Variants in ABCB5 observed in about 807,000 individuals in gnomAD.
The protein encoded by ABCB5 is ATP-binding cassette sub-family B member 5.
In ABCB5, 155 loss-of-function variants were observed where a neutral mutation model predicts 144.2. The ratio of observed to expected loss-of-function variants is 1.08; its 90% confidence interval spans 0.94 to 1.23. The LOEUF is 1.23. Ranked by LOEUF, ABCB5 falls within the 50% of genes most tolerant of loss-of-function variation. The pLI is 0.00. For synonymous variants in ABCB5, 610 were observed against 528.6 expected, an observed-to-expected ratio of 1.15 and a Z score of -2.11; for missense variants, 1,830 against 1,520.8, an observed-to-expected ratio of 1.20 and a Z score of -3.38.
chr7:20,727,918 G>C (rs956043250), intron 22 of ABCB5, among the ~76,000 whole-genome samples: 1 of 152,088 alleles, frequency 6.6e-6, no homozygotes, highest in African/African-American at 2.4e-5. Context: ...CATACTTGTA[G>C]TTGGCACCAC....
intron 20 of ABCB5, among the ~76,000 whole-genome samples, chr7:20,710,172 C>G (rs969960904): frequency 7.4e-5 from 11 of 147,740 alleles, no homozygotes; most frequent in Non-Finnish European, 1.6e-4. Context: ...GTCGGGAGTT[C>G]AAGACCAGCC....
chr7:20,691,200 T>G (rs1786215333), intron 16 of ABCB5, among the ~76,000 whole-genome samples: 1 of 64,928 alleles, frequency 1.5e-5, no homozygotes, highest in Non-Finnish European at 2.9e-5. Context: ...TTTTTTTTTT[T>G]TGAGACGGAG....
chr7:20,723,317 G>A (rs1397605059), intron 21 of ABCB5, 98 bp downstream of exon 21: 15 of 1,220,404 alleles, frequency 1.2e-5, no homozygotes, highest in African/African-American at 3.0e-5. Flanking sequence ...CCATCTTTAT[G>A]ATATATTAAC....
At chr7:20,672,327 GT>G (rs550878419) in intron 14 of ABCB5, among the ~76,000 whole-genome samples, 14,130 of 146,530 alleles carry the variant, frequency 0.096, 1,936 homozygotes, top group African/African-American at 0.31. Context: ...TAATTTATTA[GT>G]TTTTTTTTTT....
chr7:20,728,355 G>A lies in ABCB5; in HGVS notation c.2767G>A (p.Ala923Thr). 6.2e-7 allele frequency: 1 copy of A among 1,614,144 alleles called. No homozygotes were observed. The highest frequency in any genetic ancestry group is 8.5e-7 in the Non-Finnish European group (1 of 1,179,996). Residue 923 changes from alanine to threonine, a missense_variant, in exon 23 of 28, where the codon GCA becomes ACA. Physicochemically the swap from Ala to Thr is moderately conservative, Grantham distance 58. Coordinates refer to ENST00000404938, the MANE Select transcript of ABCB5 (RefSeq NM_001163941.2). Reference protein sequence around the residue: ...KKAQIIGSCYAFSHAFIYFAY... With the variant: ...KKAQIIGSCYTFSHAFIYFAY... ...AGCACAGATTATTGGAAGCTGTTAT[G>A]CATTCAGCCATGCCTTTATATATTT...
chr7:20,663,575 G>T (rs1043954464), intron 14 of ABCB5, among the ~76,000 whole-genome samples: 1 of 152,082 alleles, frequency 6.6e-6, no homozygotes, highest in East Asian at 1.9e-4. Context: ...GGTTACTAGG[G>T]GCTTGGGGGA....
At chr7:20,673,120 C>G (rs1258310837) in intron 14 of ABCB5, among the ~76,000 whole-genome samples, 1 of 152,066 alleles carries the variant, frequency 6.6e-6, no homozygotes, top group East Asian at 1.9e-4. Context: ...AATTGCATTA[C>G]GGTCAGGGAG....
At chr7:20,681,703 T>G (rs2128039137) in intron 15 of ABCB5, 37 bp downstream of exon 15, 1 of 1,596,562 alleles carries the variant, frequency 6.3e-7, no homozygotes, top group East Asian at 2.2e-5. Context: ...GTCAGCAGGG[T>G]TTAACGTTTC....
chr7:20,743,226 G>C (rs1782617868), intron 25 of ABCB5, 152 bp downstream of exon 25: 1 of 782,596 alleles, frequency 1.3e-6, no homozygotes, highest in Non-Finnish European at 2.0e-6. Context: ...TTAACTAAGA[G>C]GACAAGCAAA....
intron 20 of ABCB5, among the ~76,000 whole-genome samples, chr7:20,719,750 A>G (rs761430236): frequency 2.6e-5 from 4 of 152,230 alleles, no homozygotes; most frequent in Non-Finnish European, 5.9e-5. Flanking sequence ...TTAATCACAT[A>G]GATCAATCTA....
intron 20 of ABCB5, among the ~76,000 whole-genome samples, chr7:20,715,672 A>C (rs1485681828): frequency 6.6e-6 from 1 of 150,976 alleles, no homozygotes; most frequent in Non-Finnish European, 1.5e-5. Flanking sequence ...GGCCTCCCAA[A>C]GTGCTGGGAT....
At chr7:20,751,667 T>A (rs990938435) in intron 26 of ABCB5, among the ~76,000 whole-genome samples, 1 of 152,170 alleles carries the variant, frequency 6.6e-6, no homozygotes, top group Non-Finnish European at 1.5e-5. Flanking sequence ...GAGCTCATTA[T>A]CATTCCCACC....
At chr7:20,752,645 A>C (rs2128057971) in intron 26 of ABCB5, among the ~76,000 whole-genome samples, 1 of 152,276 alleles carries the variant, frequency 6.6e-6, no homozygotes, top group South Asian at 2.1e-4. Context: ...TCAGGAATTC[A>C]TGACCAGCCT....
chr7:20,656,918 T>TTTTTTTTTTTTTTTTGTG (rs1784817810), intron 13 of ABCB5, among the ~76,000 whole-genome samples: 1 of 145,468 alleles, frequency 6.9e-6, no homozygotes. Flanking sequence ...TTTTCTTTTT[T>TTTTTTTTTTTTTTTTGTG]TTTTTTTTTT....
chr7:20,627,332 C>T (rs78835805), intron 3 of ABCB5, among the ~76,000 whole-genome samples: 4,026 of 152,268 alleles, frequency 0.026, 181 homozygotes, highest in African/African-American at 0.092. Flanking sequence ...AGCAGATACT[C>T]TCTTAATGTC....
In ABCB5 at chr7:20,626,617, T is replaced by G; in HGVS notation, c.108+6T>G. 3 of 1,600,414 alleles carry G rather than the reference T, an allele frequency of 1.9e-6. No homozygotes were observed. Among genetic ancestry groups the G allele is most frequent in the Non-Finnish European group, 2.6e-6 (3 of 1,173,276 alleles). ...CAGTTGGATCTATTGAGATAGTAAG[T>G]GAAATCAGTTAGAAAGTACATGCAT... On this transcript the variant is annotated splice_donor_region_variant and intron_variant, in intron 3 of 27. Transcript: ENST00000404938.
Position 20,700,053 on chromosome 7 carries a change from T to G in ABCB5, c.2260-5T>G. 6.2e-7 allele frequency: 1 copy of G among 1,613,412 alleles called. No individual in the cohort carries two copies. Among genetic ancestry groups the G allele is most frequent in the Non-Finnish European group, 8.5e-7 (1 of 1,179,684 alleles). On this transcript the variant is annotated splice_polypyrimidine_tract_variant and splice_region_variant and intron_variant, in intron 18 of 27. Coordinates refer to ENST00000404938, the MANE Select transcript of ABCB5 (RefSeq NM_001163941.2). ...AACGTAGATTTTTGTTTGTTTGCTTTTCAGGGATTATTTTACGGCAGAGCA... is the reference window on the plus strand; with the variant it reads ...AACGTAGATTTTTGTTTGTTTGCTTGTCAGGGATTATTTTACGGCAGAGCA...
chr7:20,623,128 G>A (rs75076396), intron 1 of ABCB5, 137 bp from the exon 2 acceptor site: 5 of 585,062 alleles, frequency 8.5e-6, no homozygotes, highest in Admixed American at 6.7e-5. Flanking sequence ...CAATTGGAGT[G>A]GGGGGCTGGG....
In ABCB5 at chr7:20,734,251, C is replaced by G. The variant is rs371116031; in HGVS notation, c.2868-4732C>G. On this transcript the variant is annotated intron_variant, in intron 23 of 27. Coordinates refer to ENST00000404938, the MANE Select transcript of ABCB5 (RefSeq NM_001163941.2). ...TTCCAGAATCTAGGATGACAGACAG[C>G]TTTCAATCTCATCGACTAGCTAAAC... 3.9e-5 allele frequency among the ~76,000 whole-genome samples: 6 copies of G among 151,946 alleles called. No individual in the cohort carries two copies. In the East Asian group the frequency reaches 1.2e-3, roughly 29 times the overall value.
Sources: gnomAD v4.1 joint callset for allele counts (sites outside exome capture counted in the v4.1 genomes callset) on GRCh38, gnomAD v4.1.1 for gene constraint, MANE v1.5 for transcripts, NCBI Gene and HGNC (gene_info 2026-07-23, HGNC 2026-07-21) for gene names.